STK3: variants seen among roughly 807,000 people sequenced by gnomAD.
STK3 encodes the protein serine/threonine-protein kinase 3.
Under a neutral mutation model 58.0 loss-of-function variants are expected in STK3, and 41 were observed. That is an observed-to-expected ratio of 0.71 (90% CI 0.55 to 0.92). The LOEUF is 0.92. STK3 is among the 40% of genes least tolerant of loss of function. The pLI, the probability that STK3 is intolerant of heterozygous loss-of-function variation, is 0.00. For synonymous variants in STK3, 170 were observed against 191.0 expected (o/e 0.89, Z 0.91); for missense variants, 479 against 602.7 (o/e 0.79, Z 2.15).
intron 1 of STK3, among the ~76,000 whole-genome samples, chr8:98,440,264 TCAGCTC>T (rs1024579731): frequency 6.6e-6 from 1 of 152,192 alleles, no homozygotes; most frequent in Non-Finnish European, 1.5e-5. Context: ...GCAGGGCCTT[TCAGCTC>T]CAGCTCCAGC....
intron 10 of STK3, among the ~76,000 whole-genome samples, chr8:98,478,818 T>C (rs191119975): frequency 2.3e-4 from 35 of 152,266 alleles, no homozygotes; most frequent in African/African-American, 7.9e-4. Context: ...CATTTTTAGT[T>C]TTCTTTGGGC....
intron 6 of STK3, among the ~76,000 whole-genome samples, chr8:98,698,685 A>G (rs1277251077): frequency 6.6e-6 from 1 of 152,202 alleles, no homozygotes. Flanking sequence ...AATGTTGAAT[A>G]TTGGCCCCCA....
At chr8:98,650,703 G>A (rs1038476279) in intron 6 of STK3, among the ~76,000 whole-genome samples, 28 of 152,196 alleles carry the variant, frequency 1.8e-4, no homozygotes, top group Admixed American at 8.5e-4. Flanking sequence ...CCCATGGCTC[G>A]GAGGGTCCTA....
chr8:98,767,516 T>A, intron 2 of STK3, 145 bp from the exon 3 acceptor site: 1 of 775,734 alleles, frequency 1.3e-6, no homozygotes, highest in Non-Finnish European at 1.9e-6. Flanking sequence ...CAAGTAACAA[T>A]TTTAAAAGGT....
intron 6 of STK3, chr8:98,606,358 A>G (rs1317278554): frequency 6.6e-6 from 1 of 152,242 alleles, no homozygotes; most frequent in Admixed American, 6.5e-5. Flanking sequence ...GCTCCCTGGA[A>G]GTCCAACACA....
chr8:98,924,292 T>C (rs926650355), intron 1 of STK3, among the ~76,000 whole-genome samples: 3 of 152,362 alleles, frequency 2.0e-5, no homozygotes, highest in Admixed American at 2.0e-4. Flanking sequence ...ATAAACATTA[T>C]CTGCTTCTGT....
chr8:98,706,518 A>T lies in STK3; in HGVS notation c.633T>A (p.Ser211=), dbSNP rs777023241. ...VADIWSLGIT[S]IEMAEGKPPY... Reference sequence around the variant, plus strand: ...GAGGTTTTCCTTCAGCCATTTCTATAGAAGTAATGCCAAGGGACCAGATGT... The same window carrying T: ...GAGGTTTTCCTTCAGCCATTTCTATTGAAGTAATGCCAAGGGACCAGATGT... Residue 211 remains serine (S), a synonymous_variant, in exon 6 of 11, where the codon TCT becomes TCA. Transcript: ENST00000419617. 1 of 1,613,930 alleles carries T rather than the reference A, an allele frequency of 6.2e-7. No individual in the cohort carries two copies. Among genetic ancestry groups the T allele is most frequent in the South Asian group, 1.1e-5 (1 of 91,036 alleles).
At chr8:98,708,843 G>A (rs866722172) in intron 4 of STK3, among the ~76,000 whole-genome samples, 23 of 151,684 alleles carry the variant, frequency 1.5e-4, no homozygotes, top group Non-Finnish European at 2.8e-4. Flanking sequence ...AGTGAGAGGG[G>A]CTGTCTTTTG....
intron 6 of STK3, among the ~76,000 whole-genome samples, chr8:98,672,339 G>A (rs1048748113): frequency 3.3e-5 from 5 of 152,248 alleles, no homozygotes; most frequent in South Asian, 2.1e-4. Flanking sequence ...CTACGATCCC[G>A]CCACTGCACT....
In STK3 at chr8:98,455,784, T is replaced by C; in HGVS notation, c.*58A>G. On this transcript the variant is annotated 3_prime_UTR_variant, in exon 11 of 11. Transcript: ENST00000419617. ...GGATTAAAAATATCCAAATATTCCT[T>C]CAATTCCTAGTGGTTTCTTGGTCTC... The C allele has an allele frequency of 6.3e-7, 1 of 1,589,350 alleles. No individual in the cohort carries two copies. The highest frequency in any genetic ancestry group is 8.6e-7 in the Non-Finnish European group (1 of 1,166,270).
chr8:98,874,866 C>G (rs1007152279), intron 3 of STK3, among the ~76,000 whole-genome samples: 1 of 151,980 alleles, frequency 6.6e-6, no homozygotes, highest in East Asian at 1.9e-4. Context: ...TTAAGCAATC[C>G]CCTCACCCTA....
At chr8:98,412,630 C>T (rs1323142374) in intron 3 of STK3, among the ~76,000 whole-genome samples, 1 of 152,202 alleles carries the variant, frequency 6.6e-6, no homozygotes, top group East Asian at 1.9e-4. Context: ...GCACAAAGCT[C>T]CTGTTTCTTA....
At chr8:98,575,419 A>G (rs1039190257) in intron 8 of STK3, among the ~76,000 whole-genome samples, 8 of 150,718 alleles carry the variant, frequency 5.3e-5, no homozygotes, top group African/African-American at 2.0e-4. Flanking sequence ...AGTGGCACTT[A>G]GTACATTCAC....
chr8:98,879,249 T>C (rs531923707), downstream of STK3: 5 of 152,338 alleles, frequency 3.3e-5, no homozygotes, highest in Non-Finnish European at 5.9e-5. Flanking sequence ...TGTTATACCA[T>C]ATTGTTTGGG....
At chr8:98,579,563 A>G in intron 8 of STK3, 101 bp downstream of exon 8, 1 of 1,369,518 alleles carries the variant, frequency 7.3e-7, no homozygotes. Context: ...AACATATCTT[A>G]CTTGTATAGT....
At chr8:98,710,692 C>T (rs537590066) in intron 4 of STK3, among the ~76,000 whole-genome samples, 187 of 152,326 alleles carry the variant, frequency 1.2e-3, no homozygotes, top group Non-Finnish European at 2.2e-3. Flanking sequence ...GCTGGCCTAC[C>T]TCTGTAGACT....
chr8:98,625,151 G>A (rs189548124), intron 6 of STK3, among the ~76,000 whole-genome samples: 4 of 152,190 alleles, frequency 2.6e-5, no homozygotes, highest in Non-Finnish European at 5.9e-5. Flanking sequence ...CTAAATGGTC[G>A]TGGCCTTGTC....
chr8:98,846,703 T>C (rs1160381857), intron 3 of STK3, among the ~76,000 whole-genome samples: 1 of 152,258 alleles, frequency 6.6e-6, no homozygotes, highest in East Asian at 1.9e-4. Context: ...TTCTAATTGG[T>C]TTTATTATAT....
downstream of STK3, among the ~76,000 whole-genome samples, chr8:98,398,499 C>A (rs1295405873): frequency 6.6e-6 from 1 of 152,128 alleles, no homozygotes; most frequent in Non-Finnish European, 1.5e-5. Flanking sequence ...ATATGGAAGG[C>A]CAAAACCCCC....
Sources: allele counts gnomAD v4.1 joint callset (sites outside exome capture counted in the v4.1 genomes callset), GRCh38; gene constraint gnomAD v4.1.1; transcripts MANE v1.5; gene names NCBI Gene and HGNC (gene_info 2026-07-23, HGNC 2026-07-21).